The following KCNIP4 variants were observed in gnomAD, a reference collection of about 807,000 sequenced individuals.
KCNIP4 encodes the protein Kv channel-interacting protein 4.
Under a neutral mutation model 34.0 loss-of-function variants are expected in KCNIP4, and 12 were observed. That is an observed-to-expected ratio of 0.35 (90% confidence interval 0.23 to 0.57). The LOEUF (loss-of-function observed/expected upper bound fraction) is 0.57, where lower values mean the gene tolerates loss of function less well. KCNIP4 is among the 20% of genes least tolerant of loss of function. KCNIP4 has a pLI of 0.83. For missense variants in KCNIP4, 238 were observed against 311.7 expected, an observed-to-expected ratio of 0.76 and a Z score of 1.78; for synonymous variants, 124 against 102.2, an observed-to-expected ratio of 1.21 and a Z score of -1.29.
At chr4:21,934,065 T>C (rs1005433203) in intron 1 of KCNIP4, among the ~76,000 whole-genome samples, 2 of 152,090 alleles carry the variant, frequency 1.3e-5, no homozygotes, top group African/African-American at 4.8e-5. Flanking sequence ...CTGAGTTGGT[T>C]AGTCTTAGCA....
intron 1 of KCNIP4, among the ~76,000 whole-genome samples, chr4:21,632,064 C>A (rs937691565): frequency 2.6e-5 from 4 of 152,152 alleles, no homozygotes; most frequent in African/African-American, 4.8e-5. Flanking sequence ...AGGACATGTA[C>A]AATTTTACCT....
rs572114668 is a variant in KCNIP4 at position 21,763,397 on chromosome 4, G to A, written c.61+185174C>T. On this transcript the variant is annotated intron_variant, in intron 1 of 8. Transcript: ENST00000382152. ...GGCTTTATCTCTTTCCATAATGAAG[G>A]TTTAATCATTCCTTTCTTTTTCTTT... is the stretch of plus-strand genomic sequence containing the variant. Among the ~76,000 whole-genome samples, 4 of 152,236 alleles carry A rather than the reference G, an allele frequency of 2.6e-5. No homozygotes were observed. The South Asian group carries it at 6.2e-4, about 24-fold the overall frequency.
In KCNIP4 at chr4:20,937,526, G is replaced by A. The variant is rs542042480; in HGVS notation, c.62-54817C>T. On this transcript the variant is annotated intron_variant, in intron 1 of 8. Transcript: ENST00000382152. ...TGGGATTACAGGCGTGAGCCACCGT[G>A]CCTGGCCCCCAAGGAGTCTTTTGAA... Among the ~76,000 whole-genome samples, 304 of 148,170 alleles carry A rather than the reference G, an allele frequency of 2.1e-3. 1 individual carries two copies. The highest frequency in any genetic ancestry group is 7.2e-3 in the African/African-American group (290 of 40,074).
chr4:21,823,774 T>A (rs546768574), intron 1 of KCNIP4, among the ~76,000 whole-genome samples: 65 of 152,284 alleles, frequency 4.3e-4, no homozygotes, highest in Admixed American at 1.6e-3. Flanking sequence ...TTATTGAGAT[T>A]CTAATTCTAA....
intron 1 of KCNIP4, among the ~76,000 whole-genome samples, chr4:21,680,026 T>C (rs916809884): frequency 6.6e-6 from 1 of 152,234 alleles, no homozygotes; most frequent in African/African-American, 2.4e-5. Flanking sequence ...CAATGAAGTT[T>C]GTCATATTGA....
intron 1 of KCNIP4, among the ~76,000 whole-genome samples, chr4:21,522,438 C>T (rs1232078737): frequency 2.6e-5 from 4 of 152,030 alleles, no homozygotes; most frequent in East Asian, 1.9e-4. Context: ...GCACTCATAG[C>T]TCACTGCAGC....
chr4:21,422,446 C>T (rs774448603), intron 1 of KCNIP4, among the ~76,000 whole-genome samples: 1 of 152,052 alleles, frequency 6.6e-6, no homozygotes, highest in Non-Finnish European at 1.5e-5. Flanking sequence ...CGTGATCTGC[C>T]CTCTTCGCCT....
chr4:21,271,222 G>A (rs74826969), intron 1 of KCNIP4, among the ~76,000 whole-genome samples: 1,609 of 152,228 alleles, frequency 0.011, 16 homozygotes, highest in Non-Finnish European at 0.014. Context: ...GGGTCCCTCT[G>A]TAAGGTCATT....
intron 1 of KCNIP4, among the ~76,000 whole-genome samples, chr4:21,105,684 T>G (rs1202929684): frequency 2.0e-5 from 3 of 151,604 alleles, no homozygotes; most frequent in Non-Finnish European, 2.9e-5. Flanking sequence ...AGTTTTCAAA[T>G]GGAAGGCTTC....
intron 1 of KCNIP4, among the ~76,000 whole-genome samples, chr4:21,629,849 C>CCTTTTTT (rs1745596121): frequency 2.3e-5 from 2 of 87,802 alleles, no homozygotes; most frequent in East Asian, 8.2e-4. Flanking sequence ...CTTTTTCTTT[C>CCTTTTTT]TTTTTTTTTT....
intron 1 of KCNIP4, among the ~76,000 whole-genome samples, chr4:21,635,616 A>G (rs975198570): frequency 8.8e-4 from 134 of 152,192 alleles, no homozygotes; most frequent in Admixed American, 1.4e-3. Flanking sequence ...TTAGAATGGC[A>G]ATCATTAAAA....
chr4:21,165,923 C>T (rs1386795378), intron 1 of KCNIP4, among the ~76,000 whole-genome samples: 1 of 152,132 alleles, frequency 6.6e-6, no homozygotes, highest in Admixed American at 6.6e-5. Context: ...GTCTTGAGAG[C>T]GTGAGTTTAC....
chr4:21,821,862 A>G (rs1363701426), intron 1 of KCNIP4, among the ~76,000 whole-genome samples: 1 of 152,134 alleles, frequency 6.6e-6, no homozygotes, highest in African/African-American at 2.4e-5. Context: ...CAATGAAACA[A>G]TTTTACTTAA....
At chr4:20,803,330 C>A in intron 3 of KCNIP4, among the ~76,000 whole-genome samples, 1 of 151,386 alleles carries the variant, frequency 6.6e-6, no homozygotes, top group African/African-American at 2.4e-5. Context: ...AATAAAATAG[C>A]CACGTGCAGT....
At chr4:21,589,210 A>ATC (rs1577650530) in intron 1 of KCNIP4, among the ~76,000 whole-genome samples, 5 of 125,958 alleles carry the variant, frequency 4.0e-5, no homozygotes, top group Admixed American at 1.6e-4. Context: ...ATGTGTACAT[A>ATC]TATAAGTACA....
intron 1 of KCNIP4, among the ~76,000 whole-genome samples, chr4:20,967,653 A>G (rs887490202): frequency 6.6e-6 from 1 of 152,330 alleles, no homozygotes; most frequent in South Asian, 2.1e-4. Context: ...GATCTTTGAC[A>G]AACCTGACAG....
chr4:21,137,912 C>A (rs1751635678), intron 1 of KCNIP4, among the ~76,000 whole-genome samples: 1 of 122,142 alleles, frequency 8.2e-6, no homozygotes, highest in African/African-American at 3.3e-5. Context: ...TGCTCTATTA[C>A]CCAGGCTAGA....
At chr4:21,926,678 A>C (rs1305970202) in intron 1 of KCNIP4, among the ~76,000 whole-genome samples, 1 of 152,160 alleles carries the variant, frequency 6.6e-6, no homozygotes, top group East Asian at 1.9e-4. Context: ...GCCAGGGTTG[A>C]TCCCACCTCT....
intron 1 of KCNIP4, among the ~76,000 whole-genome samples, chr4:21,205,612 T>C (rs918547711): frequency 6.6e-6 from 1 of 152,212 alleles, no homozygotes; most frequent in African/African-American, 2.4e-5. Flanking sequence ...TACTTAAAAC[T>C]TACCACGTGC....
Sources: gnomAD v4.1 joint callset for allele counts (sites outside exome capture counted in the v4.1 genomes callset) on GRCh38, gnomAD v4.1.1 for gene constraint, MANE v1.5 for transcripts, NCBI Gene and HGNC (gene_info 2026-07-23, HGNC 2026-07-21) for gene names.